The following IRAG2 variants were observed in gnomAD, a reference collection of about 807,000 sequenced individuals.
IRAG2 encodes the protein inositol 1,4,5-triphosphate receptor associated 2, also known as lymphoid restricted membrane protein.
In IRAG2, 45 loss-of-function variants were observed where a neutral mutation model predicts 69.9. That is an observed-to-expected ratio of 0.64 (90% confidence interval 0.51 to 0.83). The LOEUF (loss-of-function observed/expected upper bound fraction) is 0.83. Ranked by LOEUF, IRAG2 falls within the 40% of genes least tolerant of loss-of-function variation. The probability of loss-of-function intolerance (pLI) is 0.00; values close to 1 mark genes in which losing one functional copy is unlikely to be tolerated. For synonymous variants in IRAG2, 193 were observed against 202.4 expected (o/e 0.95, Z 0.40); for missense variants, 520 against 587.0 (o/e 0.89, Z 1.18).
intron 16 of IRAG2, among the ~76,000 whole-genome samples, chr12:25,040,901 TA>T (rs1944743131): frequency 6.6e-6 from 1 of 152,064 alleles, no homozygotes; most frequent in Non-Finnish European, 1.5e-5. Context: ...TAACATCTAG[TA>T]AAGGATGCAA....
At chr12:25,070,505 A>G (rs1040982088) in intron 6 of IRAG2, among the ~76,000 whole-genome samples, 2 of 152,232 alleles carry the variant, frequency 1.3e-5, no homozygotes, top group African/African-American at 4.8e-5. Flanking sequence ...ATTCCACTGT[A>G]TAGATACACA....
intron 1 of IRAG2, among the ~76,000 whole-genome samples, chr12:25,056,082 G>C (rs1210608348): frequency 2.0e-5 from 3 of 152,154 alleles, no homozygotes; most frequent in Non-Finnish European, 4.4e-5. Context: ...TCCTAGTTTA[G>C]AGGAGACTTT....
intron 3 of IRAG2, among the ~76,000 whole-genome samples, chr12:25,014,691 T>A (rs1392955318): frequency 6.6e-6 from 1 of 152,132 alleles, no homozygotes; most frequent in Non-Finnish European, 1.5e-5. Context: ...TGATTCTCCA[T>A]GAGAAAGGGA....
At position 25,074,803 on chromosome 12, in the gene IRAG2, G is replaced by A. The variant is rs116082648; in HGVS notation, c.25-4441G>A. Among the ~76,000 whole-genome samples the A allele has an allele frequency of 3.5e-3, 532 of 152,210 alleles. 3 individuals are homozygous for A. Among genetic ancestry groups the A allele is most frequent in the African/African-American group, 0.011 (475 of 41,514 alleles). ...TATTAAGTGTCTTGTCTCTCTTTGC[G>A]TTATCCTTCATGTTATTACATGCTT... is the stretch of plus-strand genomic sequence containing the variant. On this transcript the variant is annotated intron_variant, in intron 6 of 21. Transcript: ENST00000556887.
chr12:25,025,528 A>T (rs764853331), intron 8 of IRAG2, among the ~76,000 whole-genome samples: 4 of 150,522 alleles, frequency 2.7e-5, no homozygotes, highest in South Asian at 2.1e-4. Flanking sequence ...CAAAACAAAA[A>T]AAACACTTGA....
chr12:25,081,501 G>C (rs1393251533), intron 9 of IRAG2, among the ~76,000 whole-genome samples: 1 of 152,202 alleles, frequency 6.6e-6, no homozygotes, highest in Non-Finnish European at 1.5e-5. Context: ...TCAGACCATG[G>C]TTGACAGCAG....
intron 15 of IRAG2, 126 bp downstream of exon 15, chr12:25,097,170 G>T (rs11047827): frequency 1.3e-6 from 1 of 799,620 alleles, no homozygotes; most frequent in African/African-American, 1.8e-5. Context: ...AGACATATGC[G>T]TTTAATACAT....
intron 6 of IRAG2, among the ~76,000 whole-genome samples, chr12:25,077,343 T>TATATATC (rs1565563483): frequency 3.7e-5 from 2 of 54,760 alleles, no homozygotes; most frequent in African/African-American, 1.2e-4. Flanking sequence ...ATATATGAAA[T>TATATATC]ATATATATGA....
At chr12:25,023,576 T>C (rs1279977085) in intron 7 of IRAG2, among the ~76,000 whole-genome samples, 3 of 152,228 alleles carry the variant, frequency 2.0e-5, no homozygotes, top group Admixed American at 1.3e-4. Context: ...CTACCTGTCA[T>C]AAATGAAGTA....
chr12:25,014,680 T>C (rs1182076026), intron 3 of IRAG2, among the ~76,000 whole-genome samples: 3 of 152,140 alleles, frequency 2.0e-5, no homozygotes, highest in African/African-American at 7.2e-5. Context: ...GAGGTTCTAT[T>C]TGATTCTCCA....
At chr12:25,005,519 T>G (rs963925708) in intron 2 of IRAG2, among the ~76,000 whole-genome samples, 5 of 152,226 alleles carry the variant, frequency 3.3e-5, no homozygotes, top group African/African-American at 9.6e-5. Context: ...TCTGTAGGGC[T>G]TGGTTATTTC....
At chr12:25,082,408 G>A (rs1318428514) in intron 9 of IRAG2, among the ~76,000 whole-genome samples, 1 of 151,944 alleles carries the variant, frequency 6.6e-6, no homozygotes, top group Admixed American at 6.6e-5. Flanking sequence ...AGACCAGCCT[G>A]GGCAACATAG....
At chr12:25,019,081 C>T (rs766120088) in intron 6 of IRAG2, among the ~76,000 whole-genome samples, 8 of 152,136 alleles carry the variant, frequency 5.3e-5, no homozygotes, top group Non-Finnish European at 1.2e-4. Context: ...GGGGAGCATG[C>T]AGGTGAGCAG....
intron 21 of IRAG2, among the ~76,000 whole-genome samples, chr12:25,107,610 C>T (rs555028507): frequency 8.1e-5 from 12 of 149,008 alleles, no homozygotes; most frequent in South Asian, 2.1e-4. Flanking sequence ...AGATTCTCAT[C>T]GTAGCACATC....
chr12:25,077,074 G>T (rs1946734511), intron 6 of IRAG2, among the ~76,000 whole-genome samples: 2 of 149,684 alleles, frequency 1.3e-5, no homozygotes, highest in African/African-American at 2.5e-5. Flanking sequence ...TTGTCATGTT[G>T]CTCATGTTGG....
upstream of IRAG2, among the ~76,000 whole-genome samples, chr12:25,049,179 A>T (rs1032285188): frequency 2.0e-4 from 30 of 152,190 alleles, 1 homozygote. Context: ...GGGTAGCGTG[A>T]TGCCTCCAGT....
intron 9 of IRAG2, among the ~76,000 whole-genome samples, chr12:25,027,027 CCTT>C (rs954293452): frequency 3.0e-5 from 3 of 98,456 alleles, no homozygotes; most frequent in Non-Finnish European, 4.7e-5. Flanking sequence ...GTTTCCTTTT[CCTT>C]CTTTTTTTTT....
At chr12:25,011,372 C>G (rs913671700) in exon 3 of IRAG2, 1 of 1,231,598 alleles carries the variant, frequency 8.1e-7, no homozygotes, top group Non-Finnish European at 1.0e-6. Flanking sequence ...TTTCCAAAGG[C>G]TCAGTCGGAG....
intron 13 of IRAG2, chr12:25,034,003 C>T (rs1944687983): frequency 5.0e-6 from 2 of 398,308 alleles, no homozygotes; most frequent in Non-Finnish European, 8.9e-6. Context: ...CATGTGATAG[C>T]TTATGATTTA....
Sources: allele counts gnomAD v4.1 joint callset (sites outside exome capture counted in the v4.1 genomes callset), GRCh38; gene constraint gnomAD v4.1.1; transcripts MANE v1.5; gene names NCBI Gene and HGNC (gene_info 2026-07-23, HGNC 2026-07-21).